The following RFX7 variants were observed in gnomAD, a reference collection of about 807,000 sequenced individuals.
RFX7 encodes DNA-binding protein RFX7.
A neutral mutation model predicts 111.8 loss-of-function variants in RFX7; 26 were observed. The ratio of observed to expected loss-of-function variants is 0.23; its 90% CI spans 0.17 to 0.32. The LOEUF (loss-of-function observed/expected upper bound fraction) is 0.32, where lower values mean the gene tolerates loss of function less well. Ranked by LOEUF, RFX7 falls within the 10% of genes least tolerant of loss-of-function variation. The probability of loss-of-function intolerance (pLI) is 1.00; values close to 1 mark genes in which losing one functional copy is unlikely to be tolerated. For synonymous variants in RFX7, 624 were observed against 624.4 expected, an observed-to-expected ratio of 1.00 and a Z score of 0.01; for missense variants, 1,573 against 1,772.9, an observed-to-expected ratio of 0.89 and a Z score of 2.02.
At chr15:56,149,325 C>A (rs936656968) in intron 3 of RFX7, among the ~76,000 whole-genome samples, 8 of 152,120 alleles carry the variant, frequency 5.3e-5, no homozygotes, top group African/African-American at 1.9e-4. Flanking sequence ...CATAGATTAG[C>A]CCATCCTGAT....
intron 5 of RFX7, among the ~76,000 whole-genome samples, chr15:56,111,656 T>TAAACCAAAAAAAAAAAAAAA (rs2041933473): frequency 4.9e-5 from 1 of 20,204 alleles, no homozygotes; most frequent in African/African-American, 1.8e-4. Context: ...AAAAAATAAA[T>TAAACCAAAAAAAAAAAAAAA]AAACCAAAAA....
At chr15:56,182,412 A>T (rs2042984187) in intron 2 of RFX7, among the ~76,000 whole-genome samples, 1 of 152,166 alleles carries the variant, frequency 6.6e-6, no homozygotes, top group African/African-American at 2.4e-5. Context: ...AAAAATATAG[A>T]TGAATTTTAA....
chr15:56,174,554 C>T (rs1475936343), intron 3 of RFX7, among the ~76,000 whole-genome samples: 1 of 152,042 alleles, frequency 6.6e-6, no homozygotes, highest in Non-Finnish European at 1.5e-5. Context: ...CGAGACCATC[C>T]TGGACAACAT....
intron 5 of RFX7, among the ~76,000 whole-genome samples, chr15:56,137,088 T>C (rs1595955343): frequency 6.6e-6 from 1 of 152,236 alleles, no homozygotes; most frequent in Non-Finnish European, 1.5e-5. Context: ...TTTTTTGTTA[T>C]GTCTCTGTCA....
In RFX7 at chr15:56,087,601, C is replaced by G; in HGVS notation, c.*5744G>C. 4.4e-6 allele frequency: 2 copies of G among 455,800 alleles called. No homozygotes were observed. The highest frequency in any genetic ancestry group is 7.0e-5 in the East Asian group (1 of 14,382). 28.2% of individuals were successfully genotyped at this position (455,800 alleles called of 1,614,324 possible). A position where few individuals can be genotyped will look rare whatever the true frequency, so the allele number is the denominator to read the frequency against. On this transcript the variant is annotated 3_prime_UTR_variant, in exon 10 of 10. Transcript: ENST00000559447. ...TAACTGCAAGGGAAGTTGGCAGATG[C>G]AGCCTTTTGGTCAGATGGCTGTGTG...
At chr15:56,179,345 A>G (rs1294182648) in intron 2 of RFX7, 42 bp from the exon 3 acceptor site, 1 of 962,898 alleles carries the variant, frequency 1.0e-6, no homozygotes, top group Non-Finnish European at 1.4e-6. Flanking sequence ...TGAAAAGTTT[A>G]TTAACTATCT....
chr15:56,238,306 T>C (rs1268678707), intron 2 of RFX7, among the ~76,000 whole-genome samples: 2 of 152,176 alleles, frequency 1.3e-5, no homozygotes, highest in East Asian at 3.9e-4. Context: ...ATGTTGATTG[T>C]CATCATCATA....
chr15:56,164,543 G>C (rs2042761564), intron 3 of RFX7, among the ~76,000 whole-genome samples: 1 of 152,200 alleles, frequency 6.6e-6, no homozygotes, highest in Non-Finnish European at 1.5e-5. Context: ...CAGTGTCCCA[G>C]ATAGGATCCT....
chr15:56,127,371 A>T (rs1316816587), intron 5 of RFX7, among the ~76,000 whole-genome samples: 2 of 151,572 alleles, frequency 1.3e-5, no homozygotes, highest in South Asian at 4.2e-4. Flanking sequence ...TTAAAAAAGA[A>T]GAAAGGTGTC....
At chr15:56,118,631 T>C (rs1253872428) in intron 5 of RFX7, among the ~76,000 whole-genome samples, 2 of 152,226 alleles carry the variant, frequency 1.3e-5, no homozygotes, top group Admixed American at 6.5e-5. Context: ...ATCTTGGTTA[T>C]TGGGAATAGT....
intron 5 of RFX7, among the ~76,000 whole-genome samples, chr15:56,135,340 T>G (rs2042284070): frequency 6.6e-6 from 1 of 152,242 alleles, no homozygotes; most frequent in African/African-American, 2.4e-5. Flanking sequence ...CATTGTAGTT[T>G]TGATTTGCAT....
chr15:56,123,051 C>T (rs1341030053), intron 5 of RFX7, among the ~76,000 whole-genome samples: 2 of 152,108 alleles, frequency 1.3e-5, no homozygotes, highest in Non-Finnish European at 1.5e-5. Context: ...GTGGTCTTCC[C>T]CACTGTGGCT....
In RFX7 at chr15:56,090,690, C is replaced by CT. The variant is rs1202233445; in HGVS notation, c.*2654dup. ...ACAACAAAACACTGGGGAAATCTGACTTTTTGCACTAAATGAAACATGAAA... is the reference window on the plus strand; with the variant it reads ...ACAACAAAACACTGGGGAAATCTGACTTTTTTGCACTAAATGAAACATGAAA... On this transcript the variant is annotated 3_prime_UTR_variant, in exon 10 of 10. Coordinates refer to ENST00000559447, the MANE Select transcript of RFX7 (RefSeq NM_022841.7). The CT allele has an allele frequency of 1.3e-5, 2 of 152,560 alleles. No individual in the cohort carries two copies. The highest frequency in any genetic ancestry group is 4.8e-5 in the African/African-American group (2 of 41,432). 9.5% of individuals were successfully genotyped at this position (152,560 alleles called of 1,614,324 possible). A position where few individuals can be genotyped will look rare whatever the true frequency, so the allele number is the denominator to read the frequency against.
Position 56,098,311 on chromosome 15 carries a change from G to C in RFX7, c.877C>G (p.Gln293Glu), listed in dbSNP as rs774760768. The change falls in exon 9 of 10, where the codon CAG (glutamine) becomes GAG (glutamate). Residue 293 changes from glutamine (Q) to glutamate (E), a missense_variant. Gln to Glu is a conservative substitution (Grantham distance 29). Around this residue, in one of 7 missense-constraint regions of RFX7, gnomAD observed 288 missense variants for 337.9 expected, o/e 0.85. Coordinates refer to ENST00000559447, the MANE Select transcript of RFX7 (RefSeq NM_022841.7). ...PTAESNSFQP[Q>E]VKTLPSPIDA... The stretch of plus-strand genomic sequence containing the variant: ...ATTGGAGATGGCAAAGTCTTCACCT[G>C]AGGCTGAAAGGAATTACTTTCAGCT... 6.2e-7 allele frequency: 1 copy of C among 1,613,420 alleles called. No individual in the cohort carries two copies.
At chr15:56,193,327 C>T (rs1221612714) in intron 2 of RFX7, 1 of 152,132 alleles carries the variant, frequency 6.6e-6, no homozygotes. Context: ...GGTGTTGGGA[C>T]CAGCAGACGG....
Position 56,092,590 on chromosome 15 carries a change from G to A in RFX7, c.*755C>T, listed in dbSNP as rs953817028. 2 of 152,342 alleles carry A rather than the reference G, an allele frequency of 1.3e-5. No homozygotes were observed. The highest frequency in any genetic ancestry group is 2.9e-5 in the Non-Finnish European group (2 of 67,998). 9.4% of individuals were successfully genotyped at this position (152,342 alleles called of 1,614,324 possible). On this transcript the variant is annotated 3_prime_UTR_variant, in exon 10 of 10. Transcript: ENST00000559447. ...TTATTATATTAAATTACAAATGCCT[G>A]GAGTTACATTTGCTTGTTTTGTGTG...
chr15:56,139,440 C>T (rs1032719856), intron 5 of RFX7, among the ~76,000 whole-genome samples: 4 of 152,168 alleles, frequency 2.6e-5, no homozygotes, highest in Non-Finnish European at 5.9e-5. Flanking sequence ...CTTCACGTAG[C>T]TCTCGAACCT....
At chr15:56,103,215 C>A (rs2041782904) in intron 6 of RFX7, among the ~76,000 whole-genome samples, 1 of 123,174 alleles carries the variant, frequency 8.1e-6, no homozygotes, top group East Asian at 2.6e-4. Flanking sequence ...TAGCATCTTT[C>A]TCCACTTTTA....
At position 56,108,278 on chromosome 15, in the gene RFX7, G is replaced by A. The variant is rs542680005; in HGVS notation, c.402-4608C>T. 8.5e-4 allele frequency among the ~76,000 whole-genome samples: 130 copies of A among 152,272 alleles called. 3 individuals carry two copies. Among genetic ancestry groups the A allele is most frequent in the South Asian group, 3.9e-3 (19 of 4,826 alleles). ...AAAACTTCAGGCCAGTATCCCTGAC[G>A]AACATCAATGCAAAAATCCTCAATA... is the stretch of plus-strand genomic sequence containing the variant. On this transcript the variant is annotated intron_variant, in intron 5 of 9. Transcript: ENST00000559447.
Sources: allele counts gnomAD v4.1 joint callset (sites outside exome capture counted in the v4.1 genomes callset), GRCh38; gene constraint gnomAD v4.1.1; regional missense constraint gnomAD v4.1.1; transcripts MANE v1.5; gene names NCBI Gene and HGNC (gene_info 2026-07-23, HGNC 2026-07-21).